The following CUL4B variants were observed in gnomAD, a reference collection of about 807,000 sequenced individuals.
CUL4B encodes the protein cullin 4B.
CUL4B carries 1 observed loss-of-function variant against 69.2 expected under a neutral mutation model. That is an observed-to-expected ratio of 0.01 (90% confidence interval 0.01 to 0.07). The LOEUF is 0.07. CUL4B is among the 10% of genes least tolerant of loss of function. CUL4B has a pLI of 1.00. For missense variants in CUL4B, 328 were observed against 638.8 expected, an observed-to-expected ratio of 0.51 and a Z score of 5.24; for synonymous variants, 237 against 223.2, an observed-to-expected ratio of 1.06 and a Z score of -0.55.
chrX:120,543,361 C>T (rs980061651), intron 8 of CUL4B, among the ~76,000 whole-genome samples: 5 of 111,190 alleles, frequency 4.5e-5, no homozygotes, highest in African/African-American at 1.6e-4. Flanking sequence ...AGAAGTACTA[C>T]ATACAGAGGC....
intron 1 of CUL4B, 83 bp from the exon 2 acceptor site, chrX:120,558,122 A>G: frequency 1.8e-6 from 1 of 565,688 alleles, no homozygotes; most frequent in South Asian, 2.5e-5. Flanking sequence ...TAGCATTACT[A>G]ATTTTAGGGT....
downstream of CUL4B, among the ~76,000 whole-genome samples, chrX:120,567,435 G>C (rs1194632815): frequency 1.8e-5 from 2 of 110,264 alleles, no homozygotes; most frequent in Non-Finnish European, 3.8e-5. Flanking sequence ...TGCCAATTTA[G>C]ATTTAAATCC....
At chrX:120,537,263 T>C (rs915608671) in intron 14 of CUL4B, among the ~76,000 whole-genome samples, 2 of 112,119 alleles carry the variant, frequency 1.8e-5, no homozygotes, top group African/African-American at 3.2e-5. Flanking sequence ...CATGACCTCA[T>C]TACAGGCGTT....
chrX:120,555,352 C>G (rs180826807), intron 2 of CUL4B, among the ~76,000 whole-genome samples: 1 of 111,715 alleles, frequency 9.0e-6, no homozygotes, highest in African/African-American at 3.2e-5. Context: ...ATGCTGTATA[C>G]CAGCATATCC....
At chrX:120,546,732 G>C (rs1415354763) in intron 3 of CUL4B, 116 bp from the exon 4 acceptor site, 1 of 500,998 alleles carries the variant, frequency 2.0e-6, no homozygotes, top group Non-Finnish European at 3.4e-6. Context: ...AAACTAAATG[G>C]CACTTGATTA....
At chrX:120,574,736 G>T in intron 1 of CUL4B, 1 of 657,167 alleles carries the variant, frequency 1.5e-6, no homozygotes, top group Non-Finnish European at 2.5e-6. Context: ...TATCCTATTT[G>T]TTCCATATCT....
rs1465240271 is a variant in CUL4B, at chrX:120,525,558, A to G, written c.*1203T>C. 1 of 111,901 alleles carries G rather than the reference A, an allele frequency of 8.9e-6. No individual in the cohort carries two copies. Among genetic ancestry groups the G allele is most frequent in the African/African-American group, 3.2e-5 (1 of 30,815 alleles). 9.2% of individuals were successfully genotyped at this position (111,901 alleles called of 1,213,427 possible). On this transcript the variant is annotated 3_prime_UTR_variant, in exon 20 of 20. Transcript: ENST00000371322. ...ACATTCTCCTGAAAACTAGGTGTCC[A>G]GTGGCTAAGAGAACTCGATTTCAAG...
At chrX:120,561,663 G>C (rs1294024355), upstream of CUL4B, among the ~76,000 whole-genome samples, 1 of 109,205 alleles carries the variant, frequency 9.2e-6, no homozygotes, top group Non-Finnish European at 1.9e-5. Context: ...GGAAGAGGAG[G>C]AGAGAGGGAG....
Position 120,573,282 on chromosome X carries a change from A to C in CUL4B, c.67+1269T>G, listed in dbSNP as rs751775348. On this transcript the variant is annotated intron_variant, in intron 2 of 2. Transcript: ENST00000486604. ...TAGAGATCTGTCCATGACAGTATAT[A>C]GAGATCTACCTCATTCTTTTTAAGG... Among the ~76,000 whole-genome samples, 3 of 111,388 alleles carry C rather than the reference A, an allele frequency of 2.7e-5. No homozygotes were observed. In the East Asian group the frequency reaches 8.4e-4, roughly 31 times the overall value.
At chrX:120,566,994 G>A (rs62616188), downstream of CUL4B, among the ~76,000 whole-genome samples, 1,366 of 111,160 alleles carry the variant, frequency 0.012, 16 homozygotes, top group Middle Eastern at 0.05. Flanking sequence ...CCATGGCATG[G>A]GCCTATTTTT....
intron 1 of CUL4B, among the ~76,000 whole-genome samples, chrX:120,558,713 A>G (rs1296889059): frequency 8.9e-6 from 1 of 112,230 alleles, no homozygotes; most frequent in Non-Finnish European, 1.9e-5. Flanking sequence ...AGAAAGAAAC[A>G]TCTTACTCTA....
rs773304179 is a variant in CUL4B at position 120,527,303 on chromosome X, C to A, written c.2593-447G>T. Among the ~76,000 whole-genome samples the A allele has an allele frequency of 5.4e-5, 6 of 111,982 alleles. No individual in the cohort carries two copies. The East Asian group carries it at 1.7e-3, about 31-fold the overall frequency. On this transcript the variant is annotated intron_variant, in intron 19 of 19. Transcript: ENST00000371322. ...GAACTCCTGACCTCAGGTGATCCAC[C>A]TGCCTCAGCCTCCCAAAGTGCTGGG...
intron 2 of CUL4B, among the ~76,000 whole-genome samples, chrX:120,550,750 T>A (rs1308892396): frequency 9.0e-6 from 1 of 111,641 alleles, no homozygotes; most frequent in African/African-American, 3.3e-5. Context: ...GCTTAACCTA[T>A]AGACCGGATC....
chrX:120,531,330 ATT>A (rs772597680), intron 18 of CUL4B, among the ~76,000 whole-genome samples: 11 of 104,251 alleles, frequency 1.1e-4, no homozygotes, highest in Non-Finnish European at 2.2e-4. Flanking sequence ...CAAAAAAAAA[ATT>A]TTTTTTTTTT....
Position 120,541,710 on chromosome X carries a change from G to A in CUL4B, c.1335C>T (p.Asn445=). 2 of 1,167,394 alleles carry A rather than the reference G, an allele frequency of 1.7e-6. No homozygotes were observed. Among genetic ancestry groups the A allele is most frequent in the Non-Finnish European group, 2.3e-6 (2 of 855,465 alleles). The change falls in exon 10 of 20, where the codon AAC becomes AAT. Residue 445 remains asparagine, a synonymous_variant. Transcript: ENST00000371322. ...LTAILQKGLN[N]LLDENRIQDL... Reference sequence around the variant, plus strand: ...CTTGAATTCGGTTTTCATCAAGGAGGTTATTTAAACCTGTATTTTAAAACA... The same window carrying A: ...CTTGAATTCGGTTTTCATCAAGGAGATTATTTAAACCTGTATTTTAAAACA...
At chrX:120,535,702 CTCAA>C in intron 16 of CUL4B, 124 bp downstream of exon 16, 10 of 323,622 alleles carry the variant, frequency 3.1e-5, no homozygotes, top group Non-Finnish European at 4.1e-5. Flanking sequence ...GAGACTCTGT[CTCAA>C]AAAAAAAAAA....
At chrX:120,561,202 G>A (rs1925285611), upstream of CUL4B, 3 of 596,473 alleles carry the variant, frequency 5.0e-6, no homozygotes, top group Non-Finnish European at 2.6e-6. Context: ...GTGAGGGGGC[G>A]GCTGGAAAGG....
chrX:120,526,696 G>C lies in CUL4B; in HGVS notation c.*65C>G, dbSNP rs1056173574. Reference sequence around the variant, plus strand: ...AGTAAAAAAGGAGTCAAATAATATTGAATCAACAGGTTAGTTTATCCACTG... The same window carrying C: ...AGTAAAAAAGGAGTCAAATAATATTCAATCAACAGGTTAGTTTATCCACTG... On this transcript the variant is annotated 3_prime_UTR_variant, in exon 20 of 20. Coordinates refer to ENST00000371322, the MANE Select transcript of CUL4B (RefSeq NM_001079872.2). 26 of 698,107 alleles carry C rather than the reference G, an allele frequency of 3.7e-5. No homozygotes were observed. Among genetic ancestry groups the C allele is most frequent in the Non-Finnish European group, 5.4e-5 (24 of 441,518 alleles). 57.5% of individuals were successfully genotyped at this position (698,107 alleles called of 1,213,427 possible).
intron 16 of CUL4B, among the ~76,000 whole-genome samples, chrX:120,534,803 G>A (rs1331024786): frequency 4.6e-5 from 5 of 109,737 alleles, no homozygotes; most frequent in Non-Finnish European, 9.5e-5. Flanking sequence ...CCTTTTAACA[G>A]TTTTTTTTTA....
Sources: gnomAD v4.1 joint callset for allele counts (sites outside exome capture counted in the v4.1 genomes callset) on GRCh38, gnomAD v4.1.1 for gene constraint, MANE v1.5 for transcripts, NCBI Gene and HGNC (gene_info 2026-07-23, HGNC 2026-07-21) for gene names.